Variants in OSBPL8 observed in about 807,000 individuals in gnomAD.
OSBPL8 encodes oxysterol binding protein like 8.
In OSBPL8, 59 loss-of-function variants were observed where a neutral mutation model predicts 125.5. The observed-to-expected ratio is 0.47, with a 90% confidence interval of 0.38 to 0.58. The LOEUF (loss-of-function observed/expected upper bound fraction) is 0.58, where lower values mean the gene tolerates loss of function less well. Among genes scored for constraint, OSBPL8 ranks in the 20% least tolerant of loss-of-function variants. OSBPL8 has a pLI of 0.00. For synonymous variants in OSBPL8, 330 were observed against 338.9 expected (o/e 0.97, Z 0.29); for missense variants, 758 against 1,047.8 (o/e 0.72, Z 3.82).
At chr12:76,477,129 A>G (rs1267722343) in intron 2 of OSBPL8, among the ~76,000 whole-genome samples, 1 of 152,116 alleles carries the variant, frequency 6.6e-6, no homozygotes, top group Non-Finnish European at 1.5e-5. Context: ...TCCTTTTGTC[A>G]TATCAGGCAG....
intron 4 of OSBPL8, among the ~76,000 whole-genome samples, chr12:76,420,906 T>C (rs1331281248): frequency 6.6e-6 from 1 of 152,060 alleles, no homozygotes; most frequent in Non-Finnish European, 1.5e-5. Context: ...TTCCTATGAA[T>C]ATGATTTTCT....
intron 1 of OSBPL8, among the ~76,000 whole-genome samples, chr12:76,551,503 C>G (rs370595429): frequency 6.6e-6 from 1 of 152,086 alleles, no homozygotes. Flanking sequence ...GTTAAGAAAC[C>G]CTACTTTAAG....
At chr12:76,369,118 A>T in intron 21 of OSBPL8, 96 bp downstream of exon 21, 1 of 1,454,582 alleles carries the variant, frequency 6.9e-7, no homozygotes, top group Non-Finnish European at 9.1e-7. Flanking sequence ...CTCACCCAAA[A>T]TTTTAAATTT....
intron 1 of OSBPL8, among the ~76,000 whole-genome samples, chr12:76,553,976 CA>C (rs11395533): frequency 2.6e-4 from 25 of 95,718 alleles, no homozygotes; most frequent in African/African-American, 2.9e-4. Context: ...GACTCTATCT[CA>C]AAAAAAAAAA....
In OSBPL8 at chr12:76,528,407, T is replaced by C. The variant is rs187982654; in HGVS notation, c.-68+30990A>G. Among the ~76,000 whole-genome samples the C allele has an allele frequency of 5.7e-4, 87 of 151,936 alleles. 2 individuals carry two copies. Among genetic ancestry groups the C allele is most frequent in the African/African-American group, 2.1e-3 (86 of 41,482 alleles). On this transcript the variant is annotated intron_variant, in intron 1 of 23. Coordinates refer to ENST00000261183, the MANE Select transcript of OSBPL8 (RefSeq NM_020841.5). ...GATTCACGAGCCATTTCTAAGAAAC[T>C]TCACTCTTGTAAATAAGAGTTAGTT... is the stretch of plus-strand genomic sequence containing the variant.
At chr12:76,399,828 G>C in intron 7 of OSBPL8, 45 bp downstream of exon 7, 1 of 1,483,850 alleles carries the variant, frequency 6.7e-7, no homozygotes, top group East Asian at 2.3e-5. Context: ...CATTCCAGTA[G>C]GTAAACATCC....
chr12:76,457,232 C>G (rs187483343), intron 3 of OSBPL8, among the ~76,000 whole-genome samples: 1 of 152,118 alleles, frequency 6.6e-6, no homozygotes, highest in Non-Finnish European at 1.5e-5. Context: ...TACAGTAGTA[C>G]GGTATGTACT....
chr12:76,427,797 T>G (rs1371756444), intron 4 of OSBPL8, among the ~76,000 whole-genome samples: 1 of 152,088 alleles, frequency 6.6e-6, no homozygotes, highest in Non-Finnish European at 1.5e-5. Context: ...CAGATTCTGG[T>G]CTATGGATAA....
At chr12:76,405,458 T>TA (rs1467184515) in intron 5 of OSBPL8, among the ~76,000 whole-genome samples, 1 of 151,768 alleles carries the variant, frequency 6.6e-6, no homozygotes, top group African/African-American at 2.4e-5. Context: ...GACCTTGCCT[T>TA]AAAAAAAATC....
intron 4 of OSBPL8, among the ~76,000 whole-genome samples, chr12:76,448,775 G>C (rs1036278280): frequency 6.6e-6 from 1 of 152,192 alleles, no homozygotes; most frequent in African/African-American, 2.4e-5. Context: ...AGCACTTTGG[G>C]AGGCCAAGGT....
intron 4 of OSBPL8, among the ~76,000 whole-genome samples, chr12:76,444,096 AC>A (rs1406506027): frequency 6.6e-6 from 1 of 152,198 alleles, no homozygotes; most frequent in African/African-American, 2.4e-5. Context: ...AAACAATAGA[AC>A]AAAACCAGAG....
At chr12:76,486,313 T>A (rs1878127627) in intron 2 of OSBPL8, among the ~76,000 whole-genome samples, 1 of 152,130 alleles carries the variant, frequency 6.6e-6, no homozygotes, top group South Asian at 2.1e-4. Flanking sequence ...CACCGCAATC[T>A]AATAGTGACT....
intron 1 of OSBPL8, among the ~76,000 whole-genome samples, chr12:76,530,600 A>C (rs777462232): frequency 1.1e-4 from 16 of 151,988 alleles, no homozygotes; most frequent in Non-Finnish European, 2.1e-4. Flanking sequence ...TTATATCCCC[A>C]CATGTAAGTA....
intron 4 of OSBPL8, among the ~76,000 whole-genome samples, chr12:76,438,079 T>G (rs1871704943): frequency 6.7e-6 from 1 of 148,384 alleles, no homozygotes. Flanking sequence ...CTCTGCCTCC[T>G]GGGTTCACGC....
intron 1 of OSBPL8, among the ~76,000 whole-genome samples, chr12:76,492,297 G>A (rs1878801564): frequency 6.6e-6 from 1 of 152,190 alleles, no homozygotes; most frequent in South Asian, 2.1e-4. Flanking sequence ...AGGTCCTAAG[G>A]CAGAAGTTTG....
chr12:76,500,873 A>G lies in OSBPL8; in HGVS notation c.-67-13255T>C, dbSNP rs548615524. 1.2e-3 allele frequency among the ~76,000 whole-genome samples: 179 copies of G among 152,322 alleles called. 1 individual carries two copies. Among genetic ancestry groups the G allele is most frequent in the Middle Eastern group, 0.01 (3 of 294 alleles). The stretch of plus-strand genomic sequence containing the variant: ...ATATGTTTGGAACCATGTTTTACTC[A>G]GTCCTCACAAAGTCTGGCAAAGTCA... On this transcript the variant is annotated intron_variant, in intron 1 of 23. Transcript: ENST00000261183.
chr12:76,425,254 C>T (rs1201444518), intron 4 of OSBPL8, among the ~76,000 whole-genome samples: 1 of 152,078 alleles, frequency 6.6e-6, no homozygotes, highest in African/African-American at 2.4e-5. Flanking sequence ...TTTCTATGTA[C>T]CATTTAAAAT....
chr12:76,442,384 A>G (rs551845525), intron 4 of OSBPL8, among the ~76,000 whole-genome samples: 1 of 152,306 alleles, frequency 6.6e-6, no homozygotes, highest in Non-Finnish European at 1.5e-5. Flanking sequence ...TCATTATTCA[A>G]TAGGTATTTT....
chr12:76,409,012 A>G (rs1954396137), intron 5 of OSBPL8, among the ~76,000 whole-genome samples: 1 of 152,030 alleles, frequency 6.6e-6, no homozygotes, highest in South Asian at 2.1e-4. Context: ...AAAAAAAACT[A>G]TAAATCTCAT....
Sources: allele counts gnomAD v4.1 joint callset (sites outside exome capture counted in the v4.1 genomes callset), GRCh38; gene constraint gnomAD v4.1.1; transcripts MANE v1.5; gene names NCBI Gene and HGNC (gene_info 2026-07-23, HGNC 2026-07-21).